Variants in LHCGR observed in about 807,000 individuals in gnomAD.
LHCGR encodes the protein lutropin-choriogonadotropic hormone receptor.
Under a neutral mutation model 60.7 loss-of-function variants are expected in LHCGR, and 55 were observed. The ratio of observed to expected loss-of-function variants is 0.91; its 90% CI spans 0.73 to 1.13. LHCGR has a LOEUF of 1.13. Ranked by LOEUF, LHCGR falls within the 50% of genes most tolerant of loss-of-function variation. The pLI, the probability that LHCGR is intolerant of heterozygous loss-of-function variation, is 0.00. For synonymous variants in LHCGR, 337 were observed against 316.5 expected (o/e 1.06, Z -0.69); for missense variants, 862 against 836.0 (o/e 1.03, Z -0.38).
chr2:48,693,521 T>C (rs1558809938), intron 10 of LHCGR, among the ~76,000 whole-genome samples: 1 of 152,130 alleles, frequency 6.6e-6, no homozygotes, highest in Non-Finnish European at 1.5e-5. Flanking sequence ...CAGAAAGAGA[T>C]TGGCAAAGTA....
At chr2:48,692,567 A>G (rs1442714738) in intron 10 of LHCGR, among the ~76,000 whole-genome samples, 1 of 152,186 alleles carries the variant, frequency 6.6e-6, no homozygotes, top group African/African-American at 2.4e-5. Flanking sequence ...TTAGTATTAG[A>G]GGCTATGTGG....
intron 1 of LHCGR, among the ~76,000 whole-genome samples, chr2:48,731,661 T>C (rs918748800): frequency 6.6e-6 from 1 of 152,098 alleles, no homozygotes; most frequent in Admixed American, 6.5e-5. Flanking sequence ...CTTCACAGGG[T>C]CATTGTGATA....
At chr2:48,749,040 C>G (rs985265454) in intron 1 of LHCGR, among the ~76,000 whole-genome samples, 1 of 152,202 alleles carries the variant, frequency 6.6e-6, no homozygotes, top group Non-Finnish European at 1.5e-5. Context: ...CCAGGAGTAG[C>G]GTAACCTCAT....
At chr2:48,702,878 A>C (rs1182279866) in intron 8 of LHCGR, among the ~76,000 whole-genome samples, 2 of 152,248 alleles carry the variant, frequency 1.3e-5, no homozygotes, top group African/African-American at 2.4e-5. Context: ...ACTAATTTAC[A>C]GTCCCACCAA....
In LHCGR at chr2:48,688,685, A is replaced by G. The variant is rs1680034824; in HGVS notation, c.1112T>C (p.Ile371Thr). 3.1e-6 allele frequency: 5 copies of G among 1,614,164 alleles called. No individual in the cohort carries two copies. The highest frequency in any genetic ancestry group is 1.1e-5 in the South Asian group (1 of 91,078). ...FLRVLIWLINILAIMGNMTVL... is the reference protein window; with the variant it reads ...FLRVLIWLINTLAIMGNMTVL... Reference sequence around the variant, plus strand: ...AGTCATGTTTCCCATGATGGCTAGAATATTAATCAGCCAAATCAGGACCCT... The same window carrying G: ...AGTCATGTTTCCCATGATGGCTAGAGTATTAATCAGCCAAATCAGGACCCT... The change falls in exon 11 of 11, where the codon ATT (isoleucine) becomes ACT (threonine). Residue 371 changes from isoleucine (I) to threonine (T), a missense_variant. Physicochemically the swap from Ile to Thr is moderately conservative, Grantham distance 89 (BLOSUM62 -1). Transcript: ENST00000294954. The surrounding 1 kb of genome is among the most constrained non-coding windows in gnomAD (Gnocchi z 5.2).
At chr2:48,737,072 C>T (rs968120109) in intron 1 of LHCGR, among the ~76,000 whole-genome samples, 2 of 152,210 alleles carry the variant, frequency 1.3e-5, no homozygotes, top group Admixed American at 6.5e-5. Context: ...AGAAATGCAG[C>T]ACCAATCTGG....
chr2:48,748,552 C>G (rs1177271063), intron 1 of LHCGR, among the ~76,000 whole-genome samples: 1 of 152,164 alleles, frequency 6.6e-6, no homozygotes, highest in East Asian at 1.9e-4. Context: ...TTGAGAAGGC[C>G]TAGTGGGTCA....
chr2:48,729,275 G>C (rs746285092), intron 2 of LHCGR, 48 bp from the exon 3 acceptor site: 2 of 1,386,416 alleles, frequency 1.4e-6, no homozygotes, highest in Non-Finnish European at 2.0e-6. Context: ...TGAAAGAAAT[G>C]ACCGTGTCTG....
At chr2:48,737,034 A>G (rs566833005) in intron 1 of LHCGR, among the ~76,000 whole-genome samples, 168 of 152,304 alleles carry the variant, frequency 1.1e-3, no homozygotes, top group Non-Finnish European at 2.0e-3. Flanking sequence ...CAGGCTGAGG[A>G]GGTGCAGAGG....
At position 48,687,582 on chromosome 2, in the gene LHCGR, T is replaced by G; in HGVS notation, c.*115A>C. 1 of 843,900 alleles carries G rather than the reference T, an allele frequency of 1.2e-6. No homozygotes were observed. The highest frequency in any genetic ancestry group is 1.9e-6 in the Non-Finnish European group (1 of 518,548). The allele number at this position is 843,900 out of a possible 1,614,324, so 52.3% of individuals were successfully genotyped here. A position where few individuals can be genotyped will look rare whatever the true frequency, so the allele number is the denominator to read the frequency against. On this transcript the variant is annotated 3_prime_UTR_variant, in exon 11 of 11. Coordinates refer to ENST00000294954, the MANE Select transcript of LHCGR (RefSeq NM_000233.4). ...CTAGGTAGAGGTCTCTTGCCTAATGTACCTAAAAATAAATAATTTCCTAAA... is the reference window on the plus strand; with the variant it reads ...CTAGGTAGAGGTCTCTTGCCTAATGGACCTAAAAATAAATAATTTCCTAAA...
intron 1 of LHCGR, among the ~76,000 whole-genome samples, chr2:48,735,167 T>C (rs951822654): frequency 2.0e-5 from 3 of 152,188 alleles, no homozygotes; most frequent in African/African-American, 7.2e-5. Context: ...TTCCATCTAC[T>C]CATTAATCTC....
intron 10 of LHCGR, among the ~76,000 whole-genome samples, chr2:48,692,040 C>T (rs1666874004): frequency 6.6e-6 from 1 of 152,070 alleles, no homozygotes; most frequent in Non-Finnish European, 1.5e-5. Context: ...CATTGTTTTT[C>T]AAAGTGTGGT....
intron 1 of LHCGR, among the ~76,000 whole-genome samples, chr2:48,747,511 A>G (rs1669761966): frequency 2.0e-5 from 3 of 152,186 alleles, no homozygotes; most frequent in African/African-American, 7.2e-5. Context: ...CTCTGGAAGT[A>G]CCTCAGAACT....
At chr2:48,740,033 C>T (rs186288042) in intron 1 of LHCGR, among the ~76,000 whole-genome samples, 50 of 152,296 alleles carry the variant, frequency 3.3e-4, no homozygotes, top group South Asian at 1.9e-3. Context: ...ACTCGGGAAG[C>T]GCGAGGGGTC....
intron 1 of LHCGR, among the ~76,000 whole-genome samples, chr2:48,753,911 T>A (rs914216458): frequency 6.6e-6 from 1 of 152,218 alleles, no homozygotes; most frequent in African/African-American, 2.4e-5. Flanking sequence ...TGAATTGCTA[T>A]TCAATAGCTG....
At chr2:48,737,543 T>G (rs1372630053) in intron 1 of LHCGR, among the ~76,000 whole-genome samples, 1 of 152,224 alleles carries the variant, frequency 6.6e-6, no homozygotes, top group Non-Finnish European at 1.5e-5. Flanking sequence ...AAAAATAGCT[T>G]TCCTCTTTTG....
At chr2:48,711,268 A>T (rs745483936) in intron 7 of LHCGR, among the ~76,000 whole-genome samples, 2 of 152,164 alleles carry the variant, frequency 1.3e-5, no homozygotes, top group Non-Finnish European at 2.9e-5. Context: ...TTTCCTTCAT[A>T]GTATATATTA....
At chr2:48,752,793 G>C (rs1367525378) in intron 1 of LHCGR, among the ~76,000 whole-genome samples, 1 of 151,578 alleles carries the variant, frequency 6.6e-6, no homozygotes, top group Non-Finnish European at 1.5e-5. Context: ...CCCCCATTGA[G>C]ATCTGACAAT....
At chr2:48,752,835 G>C (rs989664776) in intron 1 of LHCGR, among the ~76,000 whole-genome samples, 1 of 151,602 alleles carries the variant, frequency 6.6e-6, no homozygotes, top group Admixed American at 6.6e-5. Flanking sequence ...TGTATCTTCA[G>C]TCTGTCCTCC....
Sources: allele counts gnomAD v4.1 joint callset (sites outside exome capture counted in the v4.1 genomes callset), GRCh38; gene constraint gnomAD v4.1.1; non-coding constraint Gnocchi (gnomAD v3.1); transcripts MANE v1.5; gene names NCBI Gene and HGNC (gene_info 2026-07-23, HGNC 2026-07-21).